Variants in SLCO2B1 observed in about 807,000 individuals in gnomAD.
The protein encoded by SLCO2B1 is OATP-RP2.
A neutral mutation model predicts 67.3 loss-of-function variants in SLCO2B1; 41 were observed. The observed-to-expected ratio is 0.61, with a 90% CI of 0.47 to 0.79. The LOEUF (loss-of-function observed/expected upper bound fraction) is 0.79. Among genes scored for constraint, SLCO2B1 ranks in the 30% least tolerant of loss-of-function variants. The pLI, the probability that SLCO2B1 is intolerant of heterozygous loss-of-function variation, is 0.00. For synonymous variants in SLCO2B1, 379 were observed against 381.4 expected, an observed-to-expected ratio of 0.99 and a Z score of 0.07; for missense variants, 837 against 920.1, an observed-to-expected ratio of 0.91 and a Z score of 1.17.
Position 75,193,630 on chromosome 11 carries a change from ACAGGGGCCCTGGG to A in SLCO2B1, c.1433+59_1433+71del. On this transcript the variant is annotated intron_variant, in intron 9 of 13. Transcript: ENST00000289575. This position sits in a 1 kb window ranked among gnomAD's most constrained non-coding sequence, Gnocchi z 4.2. Reference sequence around the variant, plus strand: ...AGCCTGGGAGGACAGGACAGGGAGGACAGGGGCCCTGGGCAGAGGCCAGGATGGCAGGGCAACC... The same window carrying A: ...AGCCTGGGAGGACAGGACAGGGAGGACAGAGGCCAGGATGGCAGGGCAACC... 1 of 1,463,160 alleles carries A rather than the reference ACAGGGGCCCTGGG, an allele frequency of 6.8e-7. No individual in the cohort carries two copies. The allele number at this position is 1,463,160 out of a possible 1,614,324, so 90.6% of individuals were successfully genotyped here. A position where few individuals can be genotyped will look rare whatever the true frequency, so the allele number is the denominator to read the frequency against.
chr11:75,196,419 TGGCCATTGCTCTC>T, intron 9 of SLCO2B1, 82 bp from the exon 10 acceptor site: 1 of 1,254,244 alleles, frequency 8.0e-7, no homozygotes, highest in Non-Finnish European at 1.1e-6. Flanking sequence ...CTGAAATCTC[TGGCCATTGCTCTC>T]GGCTACAGGG....
intron 7 of SLCO2B1, among the ~76,000 whole-genome samples, chr11:75,179,679 T>G (rs1474631215): frequency 1.1e-4 from 17 of 152,252 alleles, no homozygotes; most frequent in Admixed American, 7.9e-4. Context: ...ATAGAATGCA[T>G]CATTTCTTTG....
At chr11:75,196,944 A>G (rs1427957366) in intron 10 of SLCO2B1, among the ~76,000 whole-genome samples, 1 of 152,146 alleles carries the variant, frequency 6.6e-6, no homozygotes, top group Non-Finnish European at 1.5e-5. Flanking sequence ...GGTGAAACCC[A>G]TCTCTACTAA....
Position 75,151,398 on chromosome 11 carries a change from G to C in SLCO2B1, c.16+1G>C. The C allele has an allele frequency of 6.2e-7, 1 of 1,613,808 alleles. No homozygotes were observed. Among genetic ancestry groups the C allele is most frequent in the East Asian group, 2.2e-5 (1 of 44,878 alleles). ...CCAGCAGTCATGGGACCCAGGATAG[G>C]TAAGTCCGAACAAATTAAGGAAGGG... is the stretch of plus-strand genomic sequence containing the variant. On this transcript the variant is annotated splice_donor_variant, in intron 1 of 13. Transcript: ENST00000289575. LOFTEE classifies it high-confidence loss of function.
At chr11:75,175,003 C>A (rs576199801) in intron 7 of SLCO2B1, among the ~76,000 whole-genome samples, 1 of 152,104 alleles carries the variant, frequency 6.6e-6, no homozygotes, top group Admixed American at 6.5e-5. Context: ...GTCCTTGAGT[C>A]GGAGCTGCTA....
At chr11:75,183,665 C>T (rs1950114274) in intron 7 of SLCO2B1, among the ~76,000 whole-genome samples, 1 of 152,182 alleles carries the variant, frequency 6.6e-6, no homozygotes, top group South Asian at 2.1e-4. Flanking sequence ...GCTGGGACCA[C>T]AGGTGCATGT....
At chr11:75,185,749 C>G (rs535245865) in intron 7 of SLCO2B1, among the ~76,000 whole-genome samples, 2 of 151,852 alleles carry the variant, frequency 1.3e-5, no homozygotes, top group Admixed American at 1.3e-4. Context: ...AGGGTGTTCC[C>G]GAAAGTAAGA....
intron 7 of SLCO2B1, among the ~76,000 whole-genome samples, chr11:75,185,994 G>C (rs1198453013): frequency 6.6e-5 from 10 of 152,146 alleles, no homozygotes; most frequent in Admixed American, 6.5e-4. Flanking sequence ...TGATCAATCT[G>C]TTCCCTTAAC....
At chr11:75,159,276 C>A (rs541924434) in intron 1 of SLCO2B1, among the ~76,000 whole-genome samples, 1 of 152,332 alleles carries the variant, frequency 6.6e-6, no homozygotes, top group African/African-American at 2.4e-5. Context: ...GCTGTGGGTC[C>A]CTAGCCCCTG....
intron 7 of SLCO2B1, among the ~76,000 whole-genome samples, chr11:75,176,119 A>G (rs564884887): frequency 6.6e-6 from 1 of 152,288 alleles, no homozygotes; most frequent in East Asian, 1.9e-4. Context: ...TGCTAGGCCC[A>G]TGGACTCCTG....
rs374622956 is a variant in SLCO2B1 at position 75,163,929 on chromosome 11, G to C, written c.148-34G>C. On this transcript the variant is annotated intron_variant, in intron 2 of 13. Transcript: ENST00000289575. ...CTGCCTCTTTGTCTCCCCCTGCACC[G>C]CCCACCTCTGCCTGCCTCCGGGTCC... 5.7e-6 allele frequency: 9 copies of C among 1,573,950 alleles called. No individual in the cohort carries two copies. In the Admixed American group the frequency reaches 1.6e-4, roughly 29 times the overall value.
At chr11:75,199,422 A>C (rs1945149818) in intron 10 of SLCO2B1, 1 of 152,122 alleles carries the variant, frequency 6.6e-6, no homozygotes, top group African/African-American at 2.4e-5. Flanking sequence ...TGCCTCCCCG[A>C]TCTGGTCCCT....
chr11:75,196,655 C>T lies in SLCO2B1; in HGVS notation c.1575C>T (p.Val525=). The T allele has an allele frequency of 1.2e-6, 2 of 1,613,698 alleles. No homozygotes were observed. The highest frequency in any genetic ancestry group is 1.7e-6 in the Non-Finnish European group (2 of 1,179,888). The change falls in exon 10 of 14, where the codon GTC becomes GTT. Residue 525 remains valine, a synonymous_variant. Transcript: ENST00000289575. ...ACGCAGGCTGCTCAAGCTGGGTGGT[C>T]CAGGATGCTCTGGACAACAGCCAGG... ...PCHAGCSSWV[V]QDALDNSQVF...
At position 75,171,119 on chromosome 11, in the gene SLCO2B1, G is replaced by A. The variant is rs531779336; in HGVS notation, c.782-1260G>A. 4.6e-5 allele frequency among the ~76,000 whole-genome samples: 7 copies of A among 152,260 alleles called. No homozygotes were observed. In the East Asian group the frequency reaches 5.8e-4, roughly 13 times the overall value. On this transcript the variant is annotated intron_variant, in intron 6 of 13. Coordinates refer to ENST00000289575, the MANE Select transcript of SLCO2B1 (RefSeq NM_007256.5). ...AAGGAGAGAATCAAGTCTAATCAGC[G>A]CAAAAGCCAAACCCATCCCCGGCTT...
intron 13 of SLCO2B1, 47 bp downstream of exon 13, chr11:75,203,474 T>C: frequency 6.2e-7 from 1 of 1,610,300 alleles, no homozygotes; most frequent in South Asian, 1.1e-5. Context: ...GGAAATACTC[T>C]CAGAGTCCCA....
intron 1 of SLCO2B1, among the ~76,000 whole-genome samples, chr11:75,155,374 C>A (rs1334017742): frequency 6.6e-6 from 1 of 152,160 alleles, no homozygotes; most frequent in Non-Finnish European, 1.5e-5. Flanking sequence ...CCCATCCCAA[C>A]TCATGCACAC....
chr11:75,163,968 C>G lies in SLCO2B1; in HGVS notation c.153C>G (p.Phe51Leu), dbSNP rs138677494. The change falls in exon 3 of 14, where the codon TTC (phenylalanine) becomes TTG (leucine). Residue 51 changes from phenylalanine (F) to leucine (L), a missense_variant. Coordinates refer to ENST00000289575, the MANE Select transcript of SLCO2B1 (RefSeq NM_007256.5). ...GCCTCCGGGTCCCCCCACAGCTGTT[C>G]GTTCTGTGCCACAGCCTGCTGCAGC... ...RPSVFHNIKL[F>L]VLCHSLLQLA... 3.1e-6 allele frequency: 5 copies of G among 1,598,574 alleles called. No individual in the cohort carries two copies. The highest frequency in any genetic ancestry group is 1.1e-5 in the South Asian group (1 of 88,300).
rs956566591 is a variant in SLCO2B1 at position 75,200,381 on chromosome 11, T to C, written c.1757T>C (p.Ile586Thr). ...ACCCACACACCCTCCTTCATGCTCA[T>C]CCTAAGGTGAAGGTGGGGGTGGGGC... ...CLTHTPSFML[I>T]LRGVKKEDKT... Residue 586 changes from isoleucine (I) to threonine (T), a missense_variant, in exon 11 of 14, where the codon ATC becomes ACC. Ile to Thr is a moderately conservative substitution (Grantham distance 89). Coordinates refer to ENST00000289575, the MANE Select transcript of SLCO2B1 (RefSeq NM_007256.5). The C allele has an allele frequency of 6.3e-7, 1 of 1,596,304 alleles. No individual in the cohort carries two copies. The highest frequency in any genetic ancestry group is 8.6e-7 in the Non-Finnish European group (1 of 1,168,462).
At chr11:75,181,807 C>T (rs1950094725) in intron 7 of SLCO2B1, among the ~76,000 whole-genome samples, 1 of 152,206 alleles carries the variant, frequency 6.6e-6, no homozygotes, top group Admixed American at 6.5e-5. Context: ...CAGGCAAACA[C>T]AGCCCAGATG....
Sources: allele counts gnomAD v4.1 joint callset (sites outside exome capture counted in the v4.1 genomes callset), GRCh38; gene constraint gnomAD v4.1.1; non-coding constraint Gnocchi (gnomAD v3.1); transcripts MANE v1.5; gene names NCBI Gene and HGNC (gene_info 2026-07-23, HGNC 2026-07-21).